Variants in RIMS3 observed in about 807,000 individuals in gnomAD.
RIMS3 encodes the protein regulating synaptic membrane exocytosis protein 3.
Under a neutral mutation model 29.2 loss-of-function variants are expected in RIMS3, and 15 were observed. The ratio of observed to expected loss-of-function variants is 0.51; its 90% confidence interval spans 0.34 to 0.79. RIMS3 has a LOEUF of 0.79. Ranked by LOEUF, RIMS3 falls within the 30% of genes least tolerant of loss-of-function variation. The pLI, the probability that RIMS3 is intolerant of heterozygous loss-of-function variation, is 0.01. For synonymous variants in RIMS3, 161 were observed against 170.1 expected (o/e 0.95, Z 0.41); for missense variants, 342 against 421.4 (o/e 0.81, Z 1.65).
At chr1:40,637,973 A>G (rs1026148071) in intron 3 of RIMS3, among the ~76,000 whole-genome samples, 8 of 151,906 alleles carry the variant, frequency 5.3e-5, no homozygotes, top group African/African-American at 1.9e-4. Context: ...AGTTGGGGTC[A>G]CCTCCTCATG....
At chr1:40,676,449 C>T in the RIMS3 span, among the ~76,000 whole-genome samples, 1 of 152,194 alleles carries the variant, frequency 6.6e-6, no homozygotes, top group Non-Finnish European at 1.5e-5. Context: ...TGGCTTTGAA[C>T]CTGAGACCCG....
chr1:40,637,152 G>GGCT (rs1646525547), intron 3 of RIMS3, among the ~76,000 whole-genome samples: 1 of 152,222 alleles, frequency 6.6e-6, no homozygotes, highest in Non-Finnish European at 1.5e-5. Context: ...AGGCAGCACA[G>GGCT]CCCCTGAAAA....
intron 1 of RIMS3, among the ~76,000 whole-genome samples, chr1:40,651,398 C>A (rs906911829): frequency 3.3e-5 from 5 of 152,190 alleles, no homozygotes; most frequent in Admixed American, 1.3e-4. Context: ...GGGAGGGGCA[C>A]GGAACAGATT....
the RIMS3 span, among the ~76,000 whole-genome samples, chr1:40,685,631 G>A: frequency 6.6e-6 from 1 of 151,944 alleles, no homozygotes; most frequent in Non-Finnish European, 1.5e-5. Context: ...GTTGGGCTCA[G>A]TTATTGGCTA....
At chr1:40,684,773 T>C in the RIMS3 span, among the ~76,000 whole-genome samples, 2 of 152,086 alleles carry the variant, frequency 1.3e-5, no homozygotes, top group Non-Finnish European at 2.9e-5. Context: ...GAAGAGTGGA[T>C]TGTTATAGCC....
At chr1:40,684,677 G>A in the RIMS3 span, among the ~76,000 whole-genome samples, 3 of 152,306 alleles carry the variant, frequency 2.0e-5, no homozygotes, top group African/African-American at 2.4e-5. Context: ...CTTGACAGGC[G>A]CACCCACTTG....
rs666631 is a variant in RIMS3, at chr1:40,641,896, T to C, written c.30A>G (p.Ser10=). The C allele has an allele frequency of 1.2e-6, 2 of 1,613,626 alleles. No homozygotes were observed. Among genetic ancestry groups the C allele is most frequent in the African/African-American group, 1.3e-5 (1 of 74,920 alleles). Residue 10 remains serine, a synonymous_variant, in exon 3 of 8, where the codon TCA becomes TCG. Transcript: ENST00000372684. MFNGEPGPA[S]SGASRNVVRS... is the part of the protein sequence containing the mutation. ...GCACCACATTCCTGGAGGCCCCAGA[T>C]GAGGCAGGACCTGGCTCCCCGTTAA...
chr1:40,650,863 C>CCAAA (rs1408432507), intron 1 of RIMS3, among the ~76,000 whole-genome samples: 1 of 64,554 alleles, frequency 1.5e-5, no homozygotes, highest in African/African-American at 7.6e-5. Context: ...CAGACTCTGT[C>CCAAA]AAAAAAAAAA....
chr1:40,674,786 C>T, the RIMS3 span, among the ~76,000 whole-genome samples: 1 of 152,322 alleles, frequency 6.6e-6, no homozygotes, highest in South Asian at 2.1e-4. Context: ...AGGCCCTTGC[C>T]AGGTGTGCAC....
chr1:40,627,103 C>T (rs1433925005), intron 7 of RIMS3, among the ~76,000 whole-genome samples: 1 of 152,130 alleles, frequency 6.6e-6, no homozygotes, highest in African/African-American at 2.4e-5. Flanking sequence ...TTTCAGATAA[C>T]AGCCTTCCCC....
chr1:40,661,975 C>G (rs1033349247), intron 1 of RIMS3, among the ~76,000 whole-genome samples: 1 of 152,142 alleles, frequency 6.6e-6, no homozygotes, highest in African/African-American at 2.4e-5. Flanking sequence ...CTGGGGCCAG[C>G]CACATAAACA....
the RIMS3 span, among the ~76,000 whole-genome samples, chr1:40,678,330 C>A: frequency 6.6e-6 from 1 of 152,206 alleles, no homozygotes; most frequent in Non-Finnish European, 1.5e-5. Flanking sequence ...ATCGCTTGAA[C>A]CTGGTAGGTG....
At chr1:40,675,899 G>C in the RIMS3 span, among the ~76,000 whole-genome samples, 2 of 152,062 alleles carry the variant, frequency 1.3e-5, no homozygotes, top group Non-Finnish European at 2.9e-5. Context: ...CTGTACTCCA[G>C]CCTGGGTGAC....
chr1:40,653,770 G>T (rs1220809644), intron 1 of RIMS3, among the ~76,000 whole-genome samples: 1 of 152,136 alleles, frequency 6.6e-6, no homozygotes, highest in East Asian at 1.9e-4. Flanking sequence ...CCTTATTACC[G>T]GTGAGCACAT....
intron 1 of RIMS3, among the ~76,000 whole-genome samples, chr1:40,658,435 G>A (rs1165474952): frequency 2.0e-5 from 3 of 152,154 alleles, no homozygotes; most frequent in Admixed American, 6.5e-5. Context: ...CACCCACATC[G>A]GCACTCTAAG....
intron 1 of RIMS3, among the ~76,000 whole-genome samples, chr1:40,653,848 C>T (rs1642231168): frequency 6.6e-6 from 1 of 152,154 alleles, no homozygotes; most frequent in Non-Finnish European, 1.5e-5. Flanking sequence ...CACTGGACCG[C>T]AGATGAAAAT....
Position 40,654,006 on chromosome 1 carries a change from G to T in RIMS3, c.-206-6164C>A, listed in dbSNP as rs1157117371. ...GGCAGGCTCATCCTGAGAGGCAGGG[G>T]CCCCAACAAAGGGTGTTGGTGGATG... On this transcript the variant is annotated intron_variant, in intron 1 of 7. Coordinates refer to ENST00000372684, the MANE Select transcript of RIMS3 (RefSeq NM_014747.3). The surrounding 1 kb of genome is among the most constrained non-coding windows in gnomAD (Gnocchi z 5.3). Among the ~76,000 whole-genome samples the T allele has an allele frequency of 2.0e-5, 3 of 152,086 alleles. No homozygotes were observed. Among genetic ancestry groups the T allele is most frequent in the Non-Finnish European group, 4.4e-5 (3 of 68,006 alleles).
At chr1:40,689,334 T>C in the RIMS3 span, among the ~76,000 whole-genome samples, 3 of 152,108 alleles carry the variant, frequency 2.0e-5, no homozygotes, top group Non-Finnish European at 4.4e-5. Context: ...CAGGCTGGAG[T>C]GCAGTGGCGT....
rs978088346 is a variant in RIMS3 at position 40,625,583 on chromosome 1, C to T, written c.*934G>A. The stretch of plus-strand genomic sequence containing the variant: ...CGAGTCATGCCCACCAGGAATGAGC[C>T]CTGAGGGGGTCAGGGCCACCCTCAG... On this transcript the variant is annotated 3_prime_UTR_variant, in exon 8 of 8. Coordinates refer to ENST00000372684, the MANE Select transcript of RIMS3 (RefSeq NM_014747.3). 4 of 152,220 alleles carry T rather than the reference C, an allele frequency of 2.6e-5. No homozygotes were observed. The highest frequency in any genetic ancestry group is 4.4e-5 in the Non-Finnish European group (3 of 68,066). The allele number at this position is 152,220 out of a possible 1,614,324, so 9.4% of individuals were successfully genotyped here.
Sources: allele counts gnomAD v4.1 joint callset (sites outside exome capture counted in the v4.1 genomes callset), GRCh38; gene constraint gnomAD v4.1.1; non-coding constraint Gnocchi (gnomAD v3.1); transcripts MANE v1.5; gene names NCBI Gene and HGNC (gene_info 2026-07-23, HGNC 2026-07-21).